Variants in DYNC1I1 observed in about 807,000 individuals in gnomAD.
The protein encoded by DYNC1I1 is cytoplasmic dynein 1 intermediate chain 1.
DYNC1I1 carries 43 observed loss-of-function variants against 86.6 expected under a neutral mutation model. The observed-to-expected ratio is 0.50, with a 90% CI of 0.39 to 0.64. The LOEUF is 0.64. Among genes scored for constraint, DYNC1I1 ranks in the 30% least tolerant of loss-of-function variants. The probability of loss-of-function intolerance (pLI) is 0.00; values close to 1 mark genes in which losing one functional copy is unlikely to be tolerated. For synonymous variants in DYNC1I1, 262 were observed against 283.7 expected, an observed-to-expected ratio of 0.92 and a Z score of 0.77; for missense variants, 604 against 788.8, an observed-to-expected ratio of 0.77 and a Z score of 2.81.
intron 14 of DYNC1I1, among the ~76,000 whole-genome samples, chr7:96,057,908 C>A (rs552961451): frequency 2.9e-4 from 44 of 152,280 alleles, no homozygotes; most frequent in African/African-American, 1.0e-3. Context: ...TTATTTCCAT[C>A]CTCATTTGGA....
intron 6 of DYNC1I1, among the ~76,000 whole-genome samples, chr7:95,912,546 A>C (rs1319242057): frequency 6.6e-6 from 1 of 152,220 alleles, no homozygotes; most frequent in Non-Finnish European, 1.5e-5. Context: ...TGAATAATTA[A>C]TAATGAGAAA....
intron 16 of DYNC1I1, among the ~76,000 whole-genome samples, chr7:96,096,871 T>C (rs1244917453): frequency 1.3e-5 from 2 of 152,158 alleles, no homozygotes; most frequent in East Asian, 3.8e-4. Context: ...AGGATTATTA[T>C]GACGAATGAG....
intron 6 of DYNC1I1, among the ~76,000 whole-genome samples, chr7:95,882,567 A>G (rs1482925126): frequency 6.6e-6 from 1 of 152,242 alleles, no homozygotes; most frequent in African/African-American, 2.4e-5. Flanking sequence ...TTGGGCTGCT[A>G]GAAAGATCCT....
intron 14 of DYNC1I1, among the ~76,000 whole-genome samples, chr7:96,041,266 C>A (rs1406918214): frequency 6.6e-6 from 1 of 151,964 alleles, no homozygotes; most frequent in African/African-American, 2.4e-5. Context: ...AAATTAAAAC[C>A]AAGTTGAGAA....
intron 7 of DYNC1I1, among the ~76,000 whole-genome samples, chr7:95,982,582 T>C (rs955107437): frequency 2.6e-5 from 4 of 152,116 alleles, no homozygotes; most frequent in Admixed American, 1.3e-4. Context: ...GAAATAGAAG[T>C]GGCTCAAAAA....
At chr7:95,985,713 A>G (rs1489037159) in intron 8 of DYNC1I1, among the ~76,000 whole-genome samples, 1 of 152,084 alleles carries the variant, frequency 6.6e-6, no homozygotes, top group African/African-American at 2.4e-5. Context: ...CTTTTTCATC[A>G]GGCCTGATTT....
chr7:95,992,005 G>A (rs560699457), intron 9 of DYNC1I1, among the ~76,000 whole-genome samples: 1 of 152,130 alleles, frequency 6.6e-6, no homozygotes, highest in Admixed American at 6.5e-5. Context: ...GATTACAGGA[G>A]CAAGCCACCA....
chr7:95,988,124 C>A (rs1198835706), intron 9 of DYNC1I1, among the ~76,000 whole-genome samples: 1 of 152,190 alleles, frequency 6.6e-6, no homozygotes, highest in Non-Finnish European at 1.5e-5. Flanking sequence ...AGCCTGTAAT[C>A]CCAGCACTTT....
intron 4 of DYNC1I1, among the ~76,000 whole-genome samples, chr7:95,820,393 C>T (rs56053953): frequency 0.067 from 10,205 of 152,196 alleles, 461 homozygotes; most frequent in Non-Finnish European, 0.096. Context: ...CTTTTGGAAA[C>T]GGCATTTTAA....
intron 4 of DYNC1I1, among the ~76,000 whole-genome samples, chr7:95,815,102 T>C (rs1286712174): frequency 6.6e-6 from 1 of 152,170 alleles, no homozygotes; most frequent in Non-Finnish European, 1.5e-5. Context: ...TTCAATTCTA[T>C]TACTGACTTC....
intron 14 of DYNC1I1, among the ~76,000 whole-genome samples, chr7:96,059,569 G>A (rs188709910): frequency 9.2e-5 from 14 of 152,094 alleles, no homozygotes; most frequent in Admixed American, 2.0e-4. Flanking sequence ...AATGAGGACT[G>A]ATTTCATATA....
intron 1 of DYNC1I1, among the ~76,000 whole-genome samples, chr7:95,792,014 T>G (rs1794316179): frequency 6.6e-6 from 1 of 152,202 alleles, no homozygotes; most frequent in Non-Finnish European, 1.5e-5. Flanking sequence ...TCTCAAAATT[T>G]TAGTGAAAAT....
At chr7:96,103,849 T>C (rs1203039808) in intron 16 of DYNC1I1, among the ~76,000 whole-genome samples, 1 of 152,160 alleles carries the variant, frequency 6.6e-6, no homozygotes, top group Non-Finnish European at 1.5e-5. Flanking sequence ...CCTGACCTCG[T>C]GATCCACCCG....
intron 10 of DYNC1I1, among the ~76,000 whole-genome samples, chr7:96,004,075 T>C (rs1374137988): frequency 6.6e-6 from 1 of 152,262 alleles, no homozygotes; most frequent in Non-Finnish European, 1.5e-5. Context: ...ACTTAATTTT[T>C]GGAATTATTT....
At chr7:95,865,861 C>T (rs928374272) in intron 5 of DYNC1I1, among the ~76,000 whole-genome samples, 2 of 152,098 alleles carry the variant, frequency 1.3e-5, no homozygotes, top group African/African-American at 4.8e-5. Context: ...GACAAAGTTG[C>T]CTAACATGCA....
At chr7:95,890,193 A>G (rs752288829) in intron 6 of DYNC1I1, among the ~76,000 whole-genome samples, 1 of 152,250 alleles carries the variant, frequency 6.6e-6, no homozygotes, top group Non-Finnish European at 1.5e-5. Flanking sequence ...AATGCCCATC[A>G]GTGGCAAAGT....
intron 6 of DYNC1I1, among the ~76,000 whole-genome samples, chr7:95,968,255 G>A (rs1407501710): frequency 1.3e-5 from 2 of 151,906 alleles, no homozygotes; most frequent in East Asian, 3.9e-4. Context: ...TATACAAAGA[G>A]ATAGAATTAA....
intron 6 of DYNC1I1, among the ~76,000 whole-genome samples, chr7:95,904,145 G>A (rs77641403): frequency 6.6e-6 from 1 of 152,126 alleles, no homozygotes; most frequent in Non-Finnish European, 1.5e-5. Context: ...GAGAAGTTTA[G>A]ACTGCCCTAA....
At chr7:95,959,039 T>C (rs1792793738) in intron 6 of DYNC1I1, among the ~76,000 whole-genome samples, 1 of 152,176 alleles carries the variant, frequency 6.6e-6, no homozygotes, top group South Asian at 2.1e-4. Flanking sequence ...CTTGAAGCTA[T>C]GCTTTGAAGG....
Sources: allele counts gnomAD v4.1 joint callset (sites outside exome capture counted in the v4.1 genomes callset), GRCh38; gene constraint gnomAD v4.1.1; transcripts MANE v1.5; gene names NCBI Gene and HGNC (gene_info 2026-07-23, HGNC 2026-07-21).